Variants in IMPG2 observed in about 807,000 individuals in gnomAD.
IMPG2 encodes interphotoreceptor matrix proteoglycan 2.
A neutral mutation model predicts 129.2 loss-of-function variants in IMPG2; 91 were observed. The observed-to-expected ratio is 0.70, with a 90% CI of 0.59 to 0.84. The LOEUF is 0.84. IMPG2 is among the 40% of genes least tolerant of loss of function. The pLI is 0.00. For synonymous variants in IMPG2, 510 were observed against 517.7 expected (o/e 0.99, Z 0.20); for missense variants, 1,430 against 1,461.7 (o/e 0.98, Z 0.35).
rs370201339 is a variant in IMPG2, at chr3:101,231,100, C to T, written c.3279G>A (p.Glu1093=). ...ENWWYRGKHC[E]EFVSEPVIIG... ...TGATCACGGGCTCAGACACAAATTC[C>T]TCACAGTGCTTGCCTCGGTACCACC... is the stretch of plus-strand genomic sequence containing the variant. The change falls in exon 16 of 19, where the codon GAG becomes GAA. Residue 1093 remains glutamate, a synonymous_variant. Coordinates refer to ENST00000193391, the MANE Select transcript of IMPG2 (RefSeq NM_016247.4). 3.7e-6 allele frequency: 6 copies of T among 1,614,020 alleles called. No homozygotes were observed. The highest frequency in any genetic ancestry group is 2.7e-5 in the African/African-American group (2 of 74,904).
intron 7 of IMPG2, among the ~76,000 whole-genome samples, chr3:101,272,877 T>G (rs1706801032): frequency 1.3e-5 from 2 of 152,198 alleles, no homozygotes; most frequent in African/African-American, 4.8e-5. Context: ...AACGAAGGAA[T>G]GATGTGCCCT....
rs529557052 is a variant in IMPG2, at chr3:101,227,771, T to C, written c.3714-790A>G. The C allele has an allele frequency of 2.2e-4, 100 of 456,128 alleles. 2 individuals are homozygous for C. Among genetic ancestry groups the C allele is most frequent in the South Asian group, 1.5e-3 (98 of 64,540 alleles). The allele number at this position is 456,128 out of a possible 1,614,324, so 28.3% of individuals were successfully genotyped here. On this transcript the variant is annotated intron_variant, in intron 18 of 18. Coordinates refer to ENST00000193391, the MANE Select transcript of IMPG2 (RefSeq NM_016247.4). ...GAGATTTTTAGAGTTATCTCTACCATGCACATGGAATTAGAAAAGCACCTT... is the reference window on the plus strand; with the variant it reads ...GAGATTTTTAGAGTTATCTCTACCACGCACATGGAATTAGAAAAGCACCTT...
intron 4 of IMPG2, among the ~76,000 whole-genome samples, chr3:101,280,025 T>C (rs1384972705): frequency 1.3e-5 from 2 of 152,228 alleles, no homozygotes; most frequent in Non-Finnish European, 2.9e-5. Flanking sequence ...GTATTGAGCT[T>C]GGAAAGAGAA....
At position 101,244,376 on chromosome 3, in the gene IMPG2, A is replaced by G. The variant is rs766911837; in HGVS notation, c.1955T>C (p.Val652Ala). Residue 652 changes from valine to alanine, a missense_variant, in exon 13 of 19, where the codon GTT (valine) becomes GCT (alanine). Physicochemically the swap from Val to Ala is moderately conservative, Grantham distance 64. Transcript: ENST00000193391. ...TTGGTCTGTGGAATCCATTTTGTCA[A>G]CTAAAACTAGTTTCTTGTCTTCAAT... ...AEIEDKKLVL[V>A]DKMDSTDQIS... 1.2e-6 allele frequency: 2 copies of G among 1,614,148 alleles called. No homozygotes were observed. The highest frequency in any genetic ancestry group is 1.7e-5 in the Admixed American group (1 of 60,022).
At chr3:101,236,770 G>A (rs983379656) in intron 14 of IMPG2, among the ~76,000 whole-genome samples, 24 of 152,274 alleles carry the variant, frequency 1.6e-4, no homozygotes, top group African/African-American at 4.6e-4. Flanking sequence ...AAAACTGGGC[G>A]GCCATTTGCA....
At chr3:101,234,681 A>C in intron 14 of IMPG2, among the ~76,000 whole-genome samples, 1 of 152,296 alleles carries the variant, frequency 6.6e-6, no homozygotes. Context: ...ATCAGAAAAT[A>C]ATCTGATCCT....
At chr3:101,319,504 G>T (rs1036982786) in intron 2 of IMPG2, 80 bp downstream of exon 2, 60 of 1,538,602 alleles carry the variant, frequency 3.9e-5, no homozygotes, top group Non-Finnish European at 5.0e-5. Flanking sequence ...CGTAAATTTT[G>T]ATTTACAATG....
intron 14 of IMPG2, among the ~76,000 whole-genome samples, chr3:101,242,323 T>A (rs1482046289): frequency 1.3e-5 from 2 of 152,210 alleles, no homozygotes; most frequent in Non-Finnish European, 2.9e-5. Flanking sequence ...ATATAAGGCT[T>A]AAGACAATGC....
intron 4 of IMPG2, among the ~76,000 whole-genome samples, chr3:101,285,309 C>G (rs1471834091): frequency 6.6e-6 from 1 of 152,094 alleles, no homozygotes; most frequent in African/African-American, 2.4e-5. Context: ...TAGGCCACAT[C>G]CCTGACAGAA....
At chr3:101,244,821 G>C (rs1178986440) in intron 12 of IMPG2, 34 bp from the exon 13 acceptor site, 1 of 1,581,206 alleles carries the variant, frequency 6.3e-7, no homozygotes, top group African/African-American at 1.3e-5. Flanking sequence ...TTAATCTACA[G>C]AGTTGCCAAA....
At chr3:101,274,363 C>T (rs1706820519) in intron 6 of IMPG2, among the ~76,000 whole-genome samples, 1 of 152,006 alleles carries the variant, frequency 6.6e-6, no homozygotes, top group African/African-American at 2.4e-5. Context: ...ATTTGAATTA[C>T]AATGTTCTAA....
rs879882907 is a variant in IMPG2, at chr3:101,246,205, G to A, written c.1240-100C>T. 1.6e-5 allele frequency: 18 copies of A among 1,099,684 alleles called. No individual in the cohort carries two copies. In the Admixed American group the frequency reaches 2.3e-4, roughly 14 times the overall value. The allele number at this position is 1,099,684 out of a possible 1,614,324, so 68.1% of individuals were successfully genotyped here. The stretch of plus-strand genomic sequence containing the variant: ...CTGTCTATATTCCCAGATCTTCTAG[G>A]GACAAGGAGGCGGTGTATTAATAAT... On this transcript the variant is annotated intron_variant, in intron 11 of 18. Transcript: ENST00000193391.
chr3:101,251,053 T>C (rs180960098), intron 11 of IMPG2, among the ~76,000 whole-genome samples: 57 of 152,310 alleles, frequency 3.7e-4, no homozygotes, highest in Admixed American at 8.5e-4. Flanking sequence ...AAGCTACTCA[T>C]ATATTCTTGC....
intron 11 of IMPG2, among the ~76,000 whole-genome samples, chr3:101,247,604 A>G (rs1483508434): frequency 1.7e-4 from 1 of 5,844 alleles, no homozygotes; most frequent in African/African-American, 7.9e-4. Context: ...TCTCAAAATA[A>G]AAAAAAAAAA....
In IMPG2 at chr3:101,304,256, G is replaced by A. The variant is rs150344327; in HGVS notation, c.391C>T (p.Arg131Cys). Residue 131 changes from arginine to cysteine, a missense_variant, in exon 3 of 19, where the codon CGT becomes TGT. Coordinates refer to ENST00000193391, the MANE Select transcript of IMPG2 (RefSeq NM_016247.4). ...FRTFWDRLPG[R>C]EEYHYWMNLC... Reference sequence around the variant, plus strand: ...TTCATCCAGTAATGATATTCCTCACGCCCAGGAAGTCGATCCCAAAAAGTC... The same window carrying A: ...TTCATCCAGTAATGATATTCCTCACACCCAGGAAGTCGATCCCAAAAAGTC... 156 of 1,613,670 alleles carry A rather than the reference G, an allele frequency of 9.7e-5. No individual in the cohort carries two copies. Among genetic ancestry groups the A allele is most frequent in the Middle Eastern group, 1.6e-4 (1 of 6,062 alleles).
chr3:101,246,910 C>A (rs1706485395), intron 11 of IMPG2, among the ~76,000 whole-genome samples: 2 of 151,908 alleles, frequency 1.3e-5, no homozygotes, highest in South Asian at 4.2e-4. Flanking sequence ...CCAGACTGGG[C>A]AATATAGCAA....
intron 9 of IMPG2, among the ~76,000 whole-genome samples, chr3:101,262,839 C>T (rs541237270): frequency 1.3e-5 from 2 of 149,330 alleles, no homozygotes; most frequent in South Asian, 4.2e-4. Flanking sequence ...ACATAAATAT[C>T]TAGAGTGAAG....
chr3:101,287,821 A>C (rs1706964356), intron 4 of IMPG2, among the ~76,000 whole-genome samples: 1 of 152,172 alleles, frequency 6.6e-6, no homozygotes, highest in Non-Finnish European at 1.5e-5. Flanking sequence ...CTTTTTCAAC[A>C]TTGGCCTTGG....
At chr3:101,290,870 A>G (rs1358055424) in intron 4 of IMPG2, among the ~76,000 whole-genome samples, 5 of 152,132 alleles carry the variant, frequency 3.3e-5, no homozygotes, top group East Asian at 3.9e-4. Context: ...ACCTTCCTAT[A>G]TAACTACCCA....
Sources: allele counts gnomAD v4.1 joint callset (sites outside exome capture counted in the v4.1 genomes callset), GRCh38; gene constraint gnomAD v4.1.1; transcripts MANE v1.5; gene names NCBI Gene and HGNC (gene_info 2026-07-23, HGNC 2026-07-21).